CSGALNACT1: variants seen among roughly 807,000 people sequenced by gnomAD.
CSGALNACT1 encodes beta4GalNAcT-1.
Under a neutral mutation model 51.0 loss-of-function variants are expected in CSGALNACT1, and 52 were observed. That is an observed-to-expected ratio of 1.02 (90% CI 0.82 to 1.29). The LOEUF is 1.29. Ranked by LOEUF, CSGALNACT1 falls within the 50% of genes most tolerant of loss-of-function variation. The probability of loss-of-function intolerance (pLI) is 0.00; values close to 1 mark genes in which losing one functional copy is unlikely to be tolerated. For missense variants in CSGALNACT1, 935 were observed against 679.2 expected (o/e 1.38, Z -4.19); for synonymous variants, 341 against 254.4 (o/e 1.34, Z -3.24).
At chr8:19,655,579 C>CATATATAT (rs66802003) in intron 1 of CSGALNACT1, among the ~76,000 whole-genome samples, 2 of 111,830 alleles carry the variant, frequency 1.8e-5, no homozygotes, top group African/African-American at 7.0e-5. Context: ...CACACACACA[C>CATATATAT]ATATATATAT....
intron 5 of CSGALNACT1, among the ~76,000 whole-genome samples, chr8:19,446,461 T>G (rs944493952): frequency 6.6e-6 from 1 of 152,138 alleles, no homozygotes; most frequent in Non-Finnish European, 1.5e-5. Flanking sequence ...CCATTCCCAC[T>G]GGGTCATTCT....
chr8:19,751,669 T>C (rs1205408016), intron 1 of CSGALNACT1, among the ~76,000 whole-genome samples: 1 of 152,118 alleles, frequency 6.6e-6, no homozygotes, highest in Non-Finnish European at 1.5e-5. Context: ...GGAGGGGCCT[T>C]GTGGGAGGTG....
intron 4 of CSGALNACT1, among the ~76,000 whole-genome samples, chr8:19,503,365 T>A (rs2076745068): frequency 1.3e-5 from 2 of 152,202 alleles, no homozygotes; most frequent in South Asian, 4.1e-4. Context: ...GAGGCTGGTG[T>A]CACTGCTGAT....
chr8:19,605,086 C>T (rs2051184444), upstream of CSGALNACT1, among the ~76,000 whole-genome samples: 1 of 152,132 alleles, frequency 6.6e-6, no homozygotes, highest in Admixed American at 6.5e-5. Context: ...GACAAAAACT[C>T]ACACTTTCTG....
At chr8:19,513,455 T>TATACAC (rs1554650252) in intron 3 of CSGALNACT1, among the ~76,000 whole-genome samples, 1 of 141,858 alleles carries the variant, frequency 7.0e-6, no homozygotes, top group African/African-American at 2.7e-5. Flanking sequence ...TATATATATA[T>TATACAC]ATATATATTT....
chr8:19,746,357 T>G (rs766181708), intron 1 of CSGALNACT1, among the ~76,000 whole-genome samples: 3 of 152,126 alleles, frequency 2.0e-5, no homozygotes, highest in Non-Finnish European at 4.4e-5. Flanking sequence ...TGGTAGTTCA[T>G]TATTATAAGG....
chr8:19,575,874 G>C (rs903588352), intron 3 of CSGALNACT1, among the ~76,000 whole-genome samples: 2 of 152,088 alleles, frequency 1.3e-5, no homozygotes, highest in Non-Finnish European at 2.9e-5. Context: ...AGGTTCATGA[G>C]AGTTCATTGT....
chr8:19,507,129 G>A (rs1015457730), intron 3 of CSGALNACT1, among the ~76,000 whole-genome samples: 16 of 152,162 alleles, frequency 1.1e-4, no homozygotes, highest in Non-Finnish European at 1.9e-4. Flanking sequence ...GGGATCAGGG[G>A]ACAATGGTTC....
chr8:19,460,387 CATT>C lies in CSGALNACT1; in HGVS notation c.635-1748_635-1746del, dbSNP rs1428368303. Reference sequence around the variant, plus strand: ...CTGGGGGCTTAATTTATAAATTAAACATTATCCCAGGTATGTATGTATGGGGAA... The same window carrying C: ...CTGGGGGCTTAATTTATAAATTAAACATCCCAGGTATGTATGTATGGGGAA... On this transcript the variant is annotated intron_variant, in intron 4 of 9. Transcript: ENST00000454498. Among the ~76,000 whole-genome samples, 4 of 152,268 alleles carry C rather than the reference CATT, an allele frequency of 2.6e-5. No individual in the cohort carries two copies. In the East Asian group the frequency reaches 7.7e-4, roughly 29 times the overall value.
chr8:19,599,427 A>G (rs2049753352), intron 2 of CSGALNACT1, among the ~76,000 whole-genome samples: 1 of 149,468 alleles, frequency 6.7e-6, no homozygotes, highest in Non-Finnish European at 1.5e-5. Context: ...GAAGGAAGGA[A>G]GGAAAGGAAG....
intron 1 of CSGALNACT1, among the ~76,000 whole-genome samples, chr8:19,718,269 T>G (rs1028225363): frequency 5.9e-5 from 9 of 152,252 alleles, no homozygotes; most frequent in Non-Finnish European, 1.2e-4. Flanking sequence ...AATTTTTGTA[T>G]TTTTGTATTT....
At chr8:19,552,422 A>G (rs1271804927) in intron 3 of CSGALNACT1, among the ~76,000 whole-genome samples, 1 of 152,292 alleles carries the variant, frequency 6.6e-6, no homozygotes, top group South Asian at 2.1e-4. Flanking sequence ...TGACAACTCA[A>G]TTCCTTCCAG....
At chr8:19,717,819 C>T (rs920900264) in intron 1 of CSGALNACT1, among the ~76,000 whole-genome samples, 5 of 152,122 alleles carry the variant, frequency 3.3e-5, no homozygotes, top group Non-Finnish European at 7.3e-5. Context: ...TGGCTAGGCT[C>T]AGGCACTGTA....
rs570417184 is a variant in CSGALNACT1, at chr8:19,681,625, G to A, written c.-544+848C>T. ...CATTTCTAAAACCATAATTTGGTAC[G>A]TCCAAGGGTTCCTACGCTTGAAGTG... is the stretch of plus-strand genomic sequence containing the variant. On this transcript the variant is annotated intron_variant, in intron 1 of 9. Transcript: ENST00000332246. Among the ~76,000 whole-genome samples, 6 of 152,284 alleles carry A rather than the reference G, an allele frequency of 3.9e-5. No homozygotes were observed. The East Asian group carries it at 5.8e-4, about 15-fold the overall frequency.
chr8:19,429,466 TG>T (rs71205924), intron 6 of CSGALNACT1, among the ~76,000 whole-genome samples: 152,394 of 152,396 alleles, frequency 1, 76,196 homozygotes, highest in Non-Finnish European at 1. Context: ...CGTGAGCCAC[TG>T]GCACCTGGCC....
chr8:19,446,291 G>T (rs911497803), intron 5 of CSGALNACT1, among the ~76,000 whole-genome samples: 1 of 152,114 alleles, frequency 6.6e-6, no homozygotes, highest in Non-Finnish European at 1.5e-5. Flanking sequence ...ATGGTACCTG[G>T]GTCCCTTGGG....
chr8:19,404,861 G>A (rs1302959632), exon 10 of CSGALNACT1: 1 of 454,430 alleles, frequency 2.2e-6, no homozygotes, highest in Admixed American at 2.3e-5. Context: ...CCAGTGTTCA[G>A]TTGCTCCTCT....
At chr8:19,545,915 A>G (rs1337297012) in intron 3 of CSGALNACT1, among the ~76,000 whole-genome samples, 4 of 150,206 alleles carry the variant, frequency 2.7e-5, no homozygotes, top group African/African-American at 7.3e-5. Context: ...TTATTTTTCT[A>G]AAACAGCAAA....
intron 1 of CSGALNACT1, among the ~76,000 whole-genome samples, chr8:19,728,021 T>A (rs2063496149): frequency 6.6e-6 from 1 of 152,208 alleles, no homozygotes; most frequent in African/African-American, 2.4e-5. Context: ...CTACGCGCGA[T>A]GCTCTGAGAG....
Sources: allele counts gnomAD v4.1 joint callset (sites outside exome capture counted in the v4.1 genomes callset), GRCh38; gene constraint gnomAD v4.1.1; transcripts MANE v1.5; gene names NCBI Gene and HGNC (gene_info 2026-07-23, HGNC 2026-07-21).